NCKAP5: variants seen among roughly 807,000 people sequenced by gnomAD.
NCKAP5 encodes nck-associated protein 5.
A neutral mutation model predicts 167.0 loss-of-function variants in NCKAP5; 92 were observed. That is an observed-to-expected ratio of 0.55 (90% CI 0.47 to 0.66). The LOEUF (loss-of-function observed/expected upper bound fraction) is 0.66. NCKAP5 is among the 30% of genes least tolerant of loss of function. The pLI is 0.00. For missense variants in NCKAP5, 2,378 were observed against 2,315.0 expected (o/e 1.03, Z -0.56); for synonymous variants, 891 against 877.4 (o/e 1.02, Z -0.27).
chr2:132,806,013 G>A (rs1160500240), intron 11 of NCKAP5, among the ~76,000 whole-genome samples: 2 of 152,036 alleles, frequency 1.3e-5, no homozygotes, highest in African/African-American at 4.8e-5. Flanking sequence ...ACATATCAGT[G>A]AGAACATAGG....
At chr2:132,728,745 T>C in intron 18 of NCKAP5, 71 bp downstream of exon 18, 2 of 1,561,714 alleles carry the variant, frequency 1.3e-6, no homozygotes, top group South Asian at 2.4e-5. Flanking sequence ...CATAAAAGTG[T>C]TTTTAGGGTA....
chr2:133,668,670 TA>T, the NCKAP5 span, among the ~76,000 whole-genome samples: 302 of 152,304 alleles, frequency 2.0e-3, 6 homozygotes, highest in East Asian at 0.046. Flanking sequence ...AAGCTTTCTC[TA>T]AATATTCTAG....
At chr2:132,856,080 C>T (rs993781946) in intron 11 of NCKAP5, among the ~76,000 whole-genome samples, 2 of 152,180 alleles carry the variant, frequency 1.3e-5, no homozygotes, top group Admixed American at 6.5e-5. Flanking sequence ...AGGAGAATGG[C>T]GTGAACCCGG....
chr2:133,443,322 A>T (rs1195462910), intron 3 of NCKAP5, among the ~76,000 whole-genome samples: 1 of 152,138 alleles, frequency 6.6e-6, no homozygotes, highest in Non-Finnish European at 1.5e-5. Context: ...TGCTCCGGAT[A>T]GTTCTCTTCT....
intron 11 of NCKAP5, among the ~76,000 whole-genome samples, chr2:132,844,501 T>C (rs1388621856): frequency 1.3e-5 from 2 of 152,036 alleles, no homozygotes; most frequent in African/African-American, 4.8e-5. Flanking sequence ...TTATTCATTG[T>C]TTTGCTTTTC....
At chr2:133,486,572 G>A (rs559553913) in intron 3 of NCKAP5, among the ~76,000 whole-genome samples, 1 of 152,240 alleles carries the variant, frequency 6.6e-6, no homozygotes, top group African/African-American at 2.4e-5. Flanking sequence ...AAACAGAATT[G>A]GAAATTACAG....
rs1305244230 is a variant in NCKAP5 at position 133,213,721 on chromosome 2, C to G, written c.202G>C (p.Ala68Pro). The G allele has an allele frequency of 6.2e-7, 1 of 1,613,618 alleles. No homozygotes were observed. Among genetic ancestry groups the G allele is most frequent in the Admixed American group, 1.7e-5 (1 of 59,982 alleles). The change falls in exon 5 of 20, where the codon GCC becomes CCC. Residue 68 changes from alanine to proline, a missense_variant. This residue lies in a region of NCKAP5 where 1,049 missense variants were observed against 1,023.4 expected (regional missense o/e 1.02). Transcript: ENST00000409261. ...GGACGGCAGTCAGGACTTACCATGG[C>G]CCCCTCACTTGTTCTTTGGGCAACT... ...REVAQRTSEG[A>P]MHEKLIHELE...
At chr2:133,596,010 T>C in the NCKAP5 span, 1 of 152,268 alleles carries the variant, frequency 6.6e-6, no homozygotes, top group African/African-American at 2.4e-5. Flanking sequence ...AAATCTATTA[T>C]GTAACCATAC....
In NCKAP5 at chr2:133,309,781, A is replaced by C. The variant is rs188070047; in HGVS notation, c.70-6671T>G. Among the ~76,000 whole-genome samples the C allele has an allele frequency of 3.7e-3, 571 of 152,366 alleles. 1 individual carries two copies. The highest frequency in any genetic ancestry group is 6.9e-3 in the Non-Finnish European group (469 of 68,038). On this transcript the variant is annotated intron_variant, in intron 3 of 19. Coordinates refer to ENST00000409261, the MANE Select transcript of NCKAP5 (RefSeq NM_207363.3). ...AATAGGTCAGTTCTGAGAGAGGCCCATTATAAATGAATTCTAATGATGTGA... is the reference window on the plus strand; with the variant it reads ...AATAGGTCAGTTCTGAGAGAGGCCCCTTATAAATGAATTCTAATGATGTGA...
intron 3 of NCKAP5, among the ~76,000 whole-genome samples, chr2:133,337,285 C>T (rs114844224): frequency 5.3e-5 from 8 of 152,256 alleles, no homozygotes; most frequent in East Asian, 1.9e-4. Flanking sequence ...TTGGAGTCCT[C>T]GTTAGCTTGA....
At chr2:133,484,466 C>G (rs1368946422) in intron 3 of NCKAP5, among the ~76,000 whole-genome samples, 1 of 152,136 alleles carries the variant, frequency 6.6e-6, no homozygotes, top group African/African-American at 2.4e-5. Context: ...ATTTCCCATC[C>G]CTTTCTAATT....
intron 4 of NCKAP5, among the ~76,000 whole-genome samples, chr2:133,226,838 C>T (rs1310443505): frequency 2.0e-5 from 3 of 152,142 alleles, no homozygotes; most frequent in Non-Finnish European, 4.4e-5. Context: ...GTAAGCCACC[C>T]CCATCTGCAG....
intron 3 of NCKAP5, chr2:133,391,271 A>C (rs1283799656): frequency 6.4e-6 from 1 of 157,298 alleles, no homozygotes; most frequent in African/African-American, 2.4e-5. Context: ...TCCACAGTGC[A>C]GCTTCAGGAG....
chr2:133,320,525 G>A (rs1222574381), intron 3 of NCKAP5, among the ~76,000 whole-genome samples: 4 of 152,102 alleles, frequency 2.6e-5, no homozygotes, highest in African/African-American at 7.2e-5. Context: ...TCAGGAGATC[G>A]AGACCATCCT....
chr2:133,555,229 T>A, intron 2 of NCKAP5, among the ~76,000 whole-genome samples: 1 of 152,208 alleles, frequency 6.6e-6, no homozygotes, highest in East Asian at 1.9e-4. Context: ...ACATATTATC[T>A]CTTTTTATGA....
At position 132,782,955 on chromosome 2, in the gene NCKAP5, G is replaced by A. The variant is rs750398056; in HGVS notation, c.3856C>T (p.Pro1286Ser). ...GACCCTTCGATGGGGGGCGTAGAAG[G>A]CTTGTCTCCTGAGTGTGTACTGAAG... ...HSFSTHSGDK[P>S]STPPIEGSGK... Residue 1286 changes from proline (P) to serine (S), a missense_variant, in exon 14 of 20, where the codon CCT becomes TCT. By Grantham distance (74) the Pro-to-Ser change is moderately conservative. Around this residue, in one of 3 missense-constraint regions of NCKAP5, gnomAD observed 1,325 missense variants for 1,274.5 expected, o/e 1.04. Coordinates refer to ENST00000409261, the MANE Select transcript of NCKAP5 (RefSeq NM_207363.3). 5 of 1,614,006 alleles carry A rather than the reference G, an allele frequency of 3.1e-6. No homozygotes were observed. In the South Asian group the frequency reaches 5.5e-5, roughly 18 times the overall value.
At chr2:132,753,150 C>A (rs551431245) in intron 16 of NCKAP5, among the ~76,000 whole-genome samples, 1 of 152,292 alleles carries the variant, frequency 6.6e-6, no homozygotes, top group South Asian at 2.1e-4. Flanking sequence ...ATGAAATTAA[C>A]CATCACAGTA....
chr2:133,541,745 A>G (rs1461087660), intron 2 of NCKAP5, among the ~76,000 whole-genome samples: 2 of 152,098 alleles, frequency 1.3e-5, no homozygotes, highest in Non-Finnish European at 2.9e-5. Flanking sequence ...CTGTAACTAC[A>G]TGATATTGAC....
intron 5 of NCKAP5, among the ~76,000 whole-genome samples, chr2:133,200,821 T>C (rs1258280668): frequency 2.0e-5 from 3 of 152,134 alleles, no homozygotes. Context: ...AAAAGGAACG[T>C]GGATAAACAA....
Sources: gnomAD v4.1 joint callset for allele counts (sites outside exome capture counted in the v4.1 genomes callset) on GRCh38, gnomAD v4.1.1 for gene constraint, gnomAD v4.1.1 regional missense constraint, MANE v1.5 for transcripts, NCBI Gene and HGNC (gene_info 2026-07-23, HGNC 2026-07-21) for gene names.